Variants in ADAMTSL1 observed in about 807,000 individuals in gnomAD.
ADAMTSL1 encodes the protein ADAMTS-like protein 1.
Under a neutral mutation model 201.8 loss-of-function variants are expected in ADAMTSL1, and 126 were observed. The observed-to-expected ratio is 0.62, with a 90% CI of 0.54 to 0.72. The LOEUF (loss-of-function observed/expected upper bound fraction) is 0.72. Among genes scored for constraint, ADAMTSL1 ranks in the 30% least tolerant of loss-of-function variants. The pLI is 0.00. For missense variants in ADAMTSL1, 2,679 were observed against 2,277.8 expected, an observed-to-expected ratio of 1.18 and a Z score of -3.59; for synonymous variants, 1,121 against 903.4, an observed-to-expected ratio of 1.24 and a Z score of -4.32.
At chr9:18,908,186 A>ATTC in intron 28 of ADAMTSL1, 1 of 507,432 alleles carries the variant, frequency 2.0e-6, no homozygotes, top group South Asian at 2.1e-5. Context: ...TGCAGAAAAC[A>ATTC]AGCAGACAGC....
chr9:18,239,997 G>T (rs1396512877), intron 2 of ADAMTSL1, among the ~76,000 whole-genome samples: 1 of 152,074 alleles, frequency 6.6e-6, no homozygotes, highest in Non-Finnish European at 1.5e-5. Flanking sequence ...ATCCATTAGG[G>T]TTGGCATCAA....
chr9:18,328,643 T>C (rs1834918638), intron 2 of ADAMTSL1, among the ~76,000 whole-genome samples: 1 of 152,200 alleles, frequency 6.6e-6, no homozygotes, highest in African/African-American at 2.4e-5. Flanking sequence ...CCTTAATCCA[T>C]ACACTGTGCC....
chr9:18,252,477 C>T (rs989836394), intron 2 of ADAMTSL1, among the ~76,000 whole-genome samples: 2 of 152,106 alleles, frequency 1.3e-5, no homozygotes, highest in African/African-American at 4.8e-5. Flanking sequence ...CATAAATCTA[C>T]ACATATCCCC....
chr9:18,214,446 G>A (rs1446568922), intron 2 of ADAMTSL1, among the ~76,000 whole-genome samples: 1 of 152,104 alleles, frequency 6.6e-6, no homozygotes, highest in Non-Finnish European at 1.5e-5. Context: ...TCTAAATATG[G>A]AACATCCCAA....
intron 2 of ADAMTSL1, among the ~76,000 whole-genome samples, chr9:18,514,327 CTTTTTTT>C (rs397963773): frequency 2.7e-4 from 27 of 100,096 alleles, no homozygotes; most frequent in Admixed American, 4.4e-4. Flanking sequence ...ATTTTTCTTT[CTTTTTTT>C]TTTTTTTTTT....
chr9:18,113,854 T>C (rs1825134593), intron 1 of ADAMTSL1, among the ~76,000 whole-genome samples: 1 of 152,152 alleles, frequency 6.6e-6, no homozygotes, highest in South Asian at 2.1e-4. Flanking sequence ...ATGAGATAAA[T>C]GCTGTTTTTC....
chr9:18,815,739 A>G (rs1356925846), intron 20 of ADAMTSL1, among the ~76,000 whole-genome samples: 2 of 145,986 alleles, frequency 1.4e-5, no homozygotes, highest in African/African-American at 5.0e-5. Flanking sequence ...AAAAAAAGAG[A>G]AAAAAAAAAG....
At chr9:18,684,934 T>G in intron 13 of ADAMTSL1, 134 bp downstream of exon 13, 1 of 1,398,810 alleles carries the variant, frequency 7.1e-7, no homozygotes, top group South Asian at 1.7e-5. Context: ...GGCTCTCAAA[T>G]TAAAGATTGA....
At chr9:18,716,506 A>G (rs577804589) in intron 14 of ADAMTSL1, among the ~76,000 whole-genome samples, 1 of 152,008 alleles carries the variant, frequency 6.6e-6, no homozygotes, top group East Asian at 1.9e-4. Context: ...ATCACTGGCC[A>G]TCAGAGAAAT....
chr9:18,905,995 A>C, intron 27 of ADAMTSL1, 104 bp downstream of exon 27: 2 of 1,027,410 alleles, frequency 1.9e-6, no homozygotes, highest in Non-Finnish European at 2.9e-6. Flanking sequence ...CACAGTCCCA[A>C]GCCCTGCCTG....
intron 1 of ADAMTSL1, among the ~76,000 whole-genome samples, chr9:17,937,630 T>TCAG (rs1827069053): frequency 2.5e-4 from 1 of 4,016 alleles, no homozygotes; most frequent in Non-Finnish European, 6.5e-4. Context: ...CCTAAAATCT[T>TCAG]GTTGATTTAA....
intron 3 of ADAMTSL1, among the ~76,000 whole-genome samples, chr9:18,557,559 T>C (rs536308239): frequency 6.6e-6 from 1 of 152,092 alleles, no homozygotes; most frequent in South Asian, 2.1e-4. Flanking sequence ...TGATTAGATA[T>C]ATTGCCAGGA....
At chr9:18,527,162 A>G (rs1342097063) in intron 2 of ADAMTSL1, among the ~76,000 whole-genome samples, 2 of 152,184 alleles carry the variant, frequency 1.3e-5, no homozygotes, top group Non-Finnish European at 2.9e-5. Context: ...AACCAGATGG[A>G]CCATCCTGCT....
intron 1 of ADAMTSL1, among the ~76,000 whole-genome samples, chr9:18,016,512 G>A (rs894152842): frequency 1.3e-5 from 2 of 151,948 alleles, no homozygotes; most frequent in Admixed American, 6.6e-5. Flanking sequence ...ACATTTGCAA[G>A]ATACCTGATT....
intron 2 of ADAMTSL1, among the ~76,000 whole-genome samples, chr9:18,354,064 T>C (rs188145129): frequency 1.8e-4 from 27 of 148,350 alleles, no homozygotes; most frequent in African/African-American, 6.6e-4. Context: ...TATATATATA[T>C]ATATACCTAT....
At chr9:18,880,685 G>A (rs1828469855) in intron 23 of ADAMTSL1, among the ~76,000 whole-genome samples, 1 of 152,152 alleles carries the variant, frequency 6.6e-6, no homozygotes, top group Non-Finnish European at 1.5e-5. Context: ...AAGGGACCCA[G>A]GATTGTTGGA....
At chr9:18,461,482 T>C (rs1820804161) in intron 2 of ADAMTSL1, among the ~76,000 whole-genome samples, 2 of 152,294 alleles carry the variant, frequency 1.3e-5, no homozygotes, top group South Asian at 4.1e-4. Context: ...TTATTATGGT[T>C]CTTATATTAT....
Position 18,482,074 on chromosome 9 carries a change from C to T in ADAMTSL1, c.63+7779C>T, listed in dbSNP as rs142545398. Among the ~76,000 whole-genome samples the T allele has an allele frequency of 7.2e-5, 11 of 152,298 alleles. No homozygotes were observed. The East Asian group carries it at 2.1e-3, about 29-fold the overall frequency. On this transcript the variant is annotated intron_variant, in intron 1 of 28. Coordinates refer to ENST00000380548, the MANE Select transcript of ADAMTSL1 (RefSeq NM_001040272.6). ...TATATGAGGTTGTATCTCCCATCCT[C>T]ATTAGAATTATACCTAAAGTTCTTA...
intron 2 of ADAMTSL1, among the ~76,000 whole-genome samples, chr9:18,182,684 G>C (rs777269157): frequency 2.6e-5 from 4 of 152,204 alleles, no homozygotes; most frequent in African/African-American, 9.6e-5. Flanking sequence ...CAGACACTAA[G>C]TTATGAATGT....
Sources: allele counts gnomAD v4.1 joint callset (sites outside exome capture counted in the v4.1 genomes callset), GRCh38; gene constraint gnomAD v4.1.1; transcripts MANE v1.5; gene names NCBI Gene and HGNC (gene_info 2026-07-23, HGNC 2026-07-21).